The following NRXN2 variants were observed in gnomAD, a reference collection of about 807,000 sequenced individuals.
NRXN2 encodes the protein neurexin-2-beta.
A neutral mutation model predicts 128.8 loss-of-function variants in NRXN2; 29 were observed. The observed-to-expected ratio is 0.23, with a 90% CI of 0.17 to 0.31. NRXN2 has a LOEUF of 0.31. Among genes scored for constraint, NRXN2 ranks in the 10% least tolerant of loss-of-function variants. The pLI, the probability that NRXN2 is intolerant of heterozygous loss-of-function variation, is 1.00. For synonymous variants in NRXN2, 1,098 were observed against 1,075.2 expected (o/e 1.02, Z -0.41); for missense variants, 1,881 against 2,452.6 (o/e 0.77, Z 4.92).
At chr11:64,664,447 C>T (rs987475007) in intron 9 of NRXN2, among the ~76,000 whole-genome samples, 11 of 144,220 alleles carry the variant, frequency 7.6e-5, no homozygotes, top group African/African-American at 2.9e-4. Context: ...CACTGCGCTC[C>T]AGCCTAGGCA....
intron 6 of NRXN2, 29 bp from the exon 7 acceptor site, chr11:64,677,066 G>A (rs1592041672): frequency 7.1e-7 from 1 of 1,405,230 alleles, no homozygotes; most frequent in Non-Finnish European, 9.6e-7. Context: ...GGGATGGGGA[G>A]GAGGGGGGTG....
intron 21 of NRXN2, among the ~76,000 whole-genome samples, chr11:64,620,699 A>AG (rs2042203604): frequency 6.7e-6 from 1 of 148,468 alleles, no homozygotes; most frequent in Non-Finnish European, 1.5e-5. Context: ...AAGAGGATCT[A>AG]GGATGCCTCA....
At chr11:64,626,644 G>T in intron 19 of NRXN2, 92 bp from the exon 20 acceptor site, 1 of 916,196 alleles carries the variant, frequency 1.1e-6, no homozygotes, top group Non-Finnish European at 1.8e-6. Flanking sequence ...GAGACTCAGA[G>T]TAAGCAGCAA....
intron 3 of NRXN2, 32 bp from the exon 4 acceptor site, chr11:64,692,908 GA>G (rs771723212): frequency 4.1e-5 from 63 of 1,543,678 alleles, no homozygotes; most frequent in Non-Finnish European, 5.0e-5. Flanking sequence ...AAGAAAGAAA[GA>G]AAAAAAGAAG....
Position 64,630,333 on chromosome 11 carries a change from G to T in NRXN2, c.3757+69C>A. On this transcript the variant is annotated intron_variant, in intron 19 of 22. Transcript: ENST00000265459. The surrounding 1 kb of genome is among the most constrained non-coding windows in gnomAD (Gnocchi z 4.6). Reference sequence around the variant, plus strand: ...AGCCGCTTAGCCCCGCCCCGGTGCGGCCGCACTCCTATCAGAGGCCGCCAC... The same window carrying T: ...AGCCGCTTAGCCCCGCCCCGGTGCGTCCGCACTCCTATCAGAGGCCGCCAC... 6.8e-7 allele frequency: 1 copy of T among 1,476,290 alleles called. No individual in the cohort carries two copies. Among genetic ancestry groups the T allele is most frequent in the Non-Finnish European group, 9.1e-7 (1 of 1,093,358 alleles). The allele number at this position is 1,476,290 out of a possible 1,614,324, so 91.4% of individuals were successfully genotyped here.
rs1267013786 is a variant in NRXN2, at chr11:64,607,637, G to A, written c.4698C>T (p.Asn1566=). The A allele has an allele frequency of 6.5e-7, 1 of 1,531,206 alleles. No homozygotes were observed. The highest frequency in any genetic ancestry group is 8.8e-7 in the Non-Finnish European group (1 of 1,139,808). The allele number at this position is 1,531,206 out of a possible 1,614,324, so 94.9% of individuals were successfully genotyped here. ...PAPNLPAGKM[N]HRDPLQPLLE... is the part of the protein sequence containing the mutation. ...GCAAGGGCTGAAGCGGGTCTCGGTG[G>A]TTCATTTTGCCCGCCGGCAGGTTGG... Residue 1566 remains asparagine (N), a synonymous_variant, in exon 23 of 23, where the codon AAC becomes AAT. Coordinates refer to ENST00000265459, the MANE Select transcript of NRXN2 (RefSeq NM_015080.4).
chr11:64,652,226 T>G, intron 12 of NRXN2, 72 bp from the exon 13 acceptor site: 1 of 1,539,172 alleles, frequency 6.5e-7, no homozygotes, highest in Non-Finnish European at 8.7e-7. Context: ...TCACCTTGGA[T>G]ACACAGACAG....
intron 3 of NRXN2, among the ~76,000 whole-genome samples, chr11:64,694,917 G>C (rs2054291236): frequency 2.0e-5 from 3 of 151,946 alleles, no homozygotes; most frequent in Non-Finnish European, 4.4e-5. Context: ...CCTGACTGCT[G>C]CTGGAGGAAG....
At chr11:64,636,896 G>T (rs1211206419) in intron 17 of NRXN2, among the ~76,000 whole-genome samples, 1 of 152,154 alleles carries the variant, frequency 6.6e-6, no homozygotes, top group Non-Finnish European at 1.5e-5. Flanking sequence ...GCAATCAGGG[G>T]TGAGGAGGCT....
At chr11:64,718,800 C>T (rs868694067) in intron 1 of NRXN2, among the ~76,000 whole-genome samples, 1 of 152,146 alleles carries the variant, frequency 6.6e-6, no homozygotes, top group Non-Finnish European at 1.5e-5. Flanking sequence ...CAGTTCCTAC[C>T]TCCCCCTTCC....
At chr11:64,652,954 C>T (rs1207306749) in intron 12 of NRXN2, among the ~76,000 whole-genome samples, 1 of 151,824 alleles carries the variant, frequency 6.6e-6, no homozygotes, top group Non-Finnish European at 1.5e-5. Context: ...CCAGCACGCA[C>T]ACAGCATGCC....
At chr11:64,628,941 T>C (rs1021727394) in intron 19 of NRXN2, among the ~76,000 whole-genome samples, 5 of 152,214 alleles carry the variant, frequency 3.3e-5, no homozygotes, top group Non-Finnish European at 5.9e-5. Context: ...TCTGCAGTTG[T>C]CCATATGTCT....
intron 3 of NRXN2, 81 bp from the exon 4 acceptor site, chr11:64,692,957 A>C: frequency 3.3e-6 from 4 of 1,199,022 alleles, no homozygotes; most frequent in Non-Finnish European, 4.8e-6. Flanking sequence ...AACAAAGAAA[A>C]CACGAGTCAT....
Position 64,607,160 on chromosome 11 carries a change from G to A in NRXN2, c.*36C>T. 6.2e-7 allele frequency: 1 copy of A among 1,603,034 alleles called. No homozygotes were observed. Among genetic ancestry groups the A allele is most frequent in the Non-Finnish European group, 8.5e-7 (1 of 1,173,012 alleles). Reference sequence around the variant, plus strand: ...GCACCCTCCTCCCGGGCCCTCCCAGGAGGGGCAGCTGGCAGTGGGGCGCAG... The same window carrying A: ...GCACCCTCCTCCCGGGCCCTCCCAGAAGGGGCAGCTGGCAGTGGGGCGCAG... On this transcript the variant is annotated 3_prime_UTR_variant, in exon 23 of 23. Transcript: ENST00000265459.
chr11:64,650,364 C>G, intron 15 of NRXN2, 84 bp downstream of exon 15: 1 of 1,401,004 alleles, frequency 7.1e-7, no homozygotes, highest in Non-Finnish European at 1.0e-6. Context: ...CCGAGGGAAG[C>G]AGCGTCGCAG....
At chr11:64,642,711 TGGCGGCGGCGGCGGTGGAGGC>T in intron 17 of NRXN2, 1 of 1,469,400 alleles carries the variant, frequency 6.8e-7, no homozygotes, top group Non-Finnish European at 9.0e-7. Flanking sequence ...GCAGCAGAGG[TGGCGGCGGCGGCGGTGGAGGC>T]GGCGGCAGGG....
At position 64,631,882 on chromosome 11, in the gene NRXN2, G is replaced by A. The variant is rs921887931; in HGVS notation, c.3586-1309C>T. On this transcript the variant is annotated intron_variant, in intron 18 of 22. Transcript: ENST00000265459. This position sits in a 1 kb window ranked among gnomAD's most constrained non-coding sequence, Gnocchi z 4.8. ...CCTCCCAGCAGCACTCCTGAACGCG[G>A]TCTCAGCCCTCCTCCCACACGGAAC... Among the ~76,000 whole-genome samples, 4 of 152,180 alleles carry A rather than the reference G, an allele frequency of 2.6e-5. No homozygotes were observed. Among genetic ancestry groups the A allele is most frequent in the African/African-American group, 9.7e-5 (4 of 41,418 alleles).
Position 64,713,088 on chromosome 11 carries a change from C to A in NRXN2, c.612G>T (p.Pro204=). 1 of 1,306,492 alleles carries A rather than the reference C, an allele frequency of 7.7e-7. No homozygotes were observed. The highest frequency in any genetic ancestry group is 9.6e-7 in the Non-Finnish European group (1 of 1,036,508). The allele number at this position is 1,306,492 out of a possible 1,614,324, so 80.9% of individuals were successfully genotyped here. The part of the protein sequence containing the change: ...SQGLRGATAD[P]LCAPARNPCA... ...AGGGGTTGCGCGCGGGCGCGCACAG[C>A]GGGTCGGCGGTGGCGCCGCGCAGGC... The change falls in exon 2 of 23, where the codon CCG becomes CCT. Residue 204 remains proline, a synonymous_variant. Transcript: ENST00000265459.
intron 2 of NRXN2, among the ~76,000 whole-genome samples, chr11:64,704,228 G>T (rs2055888038): frequency 6.6e-6 from 1 of 152,256 alleles, no homozygotes; most frequent in South Asian, 2.1e-4. Context: ...GACAGAGATG[G>T]TGTCATAGAT....
Sources: allele counts gnomAD v4.1 joint callset (sites outside exome capture counted in the v4.1 genomes callset), GRCh38; gene constraint gnomAD v4.1.1; non-coding constraint Gnocchi (gnomAD v3.1); transcripts MANE v1.5; gene names NCBI Gene and HGNC (gene_info 2026-07-23, HGNC 2026-07-21).